The following SIPA1L1 variants were observed in gnomAD, a reference collection of about 807,000 sequenced individuals.
The protein encoded by SIPA1L1 is signal induced proliferation associated 1 like 1.
SIPA1L1 carries 26 observed loss-of-function variants against 162.7 expected under a neutral mutation model. The observed-to-expected ratio is 0.16, with a 90% confidence interval of 0.12 to 0.22. SIPA1L1 has a LOEUF of 0.22. Among genes scored for constraint, SIPA1L1 ranks in the 10% least tolerant of loss-of-function variants. The probability of loss-of-function intolerance (pLI) is 1.00; values close to 1 mark genes in which losing one functional copy is unlikely to be tolerated. For synonymous variants in SIPA1L1, 829 were observed against 837.4 expected, an observed-to-expected ratio of 0.99 and a Z score of 0.17; for missense variants, 1,874 against 2,241.0, an observed-to-expected ratio of 0.84 and a Z score of 3.31.
intron 2 of SIPA1L1, among the ~76,000 whole-genome samples, chr14:71,446,658 G>T (rs187900313): frequency 1.9e-4 from 29 of 152,086 alleles, no homozygotes; most frequent in East Asian, 1.5e-3. Context: ...GTGTTTTTTT[G>T]TGTGTGTGCA....
chr14:71,534,779 G>A (rs2053746611), intron 4 of SIPA1L1, among the ~76,000 whole-genome samples: 2 of 152,184 alleles, frequency 1.3e-5, no homozygotes, highest in African/African-American at 4.8e-5. Context: ...TCAATTTAAA[G>A]ATGGAGAAGC....
intron 2 of SIPA1L1, among the ~76,000 whole-genome samples, chr14:71,395,836 G>A (rs1486737875): frequency 6.6e-5 from 10 of 152,192 alleles, no homozygotes; most frequent in Admixed American, 6.5e-4. Context: ...GTACTTGCTA[G>A]AAACTCTATA....
chr14:71,428,844 A>C (rs1595414660), intron 2 of SIPA1L1, among the ~76,000 whole-genome samples: 1 of 152,248 alleles, frequency 6.6e-6, no homozygotes, highest in South Asian at 2.1e-4. Context: ...GTGCCCAGCT[A>C]CCTGCCCCAG....
chr14:71,420,070 T>C (rs1209247617), intron 2 of SIPA1L1, among the ~76,000 whole-genome samples: 1 of 152,162 alleles, frequency 6.6e-6, no homozygotes, highest in Non-Finnish European at 1.5e-5. Context: ...AAGGTAGATA[T>C]TCTGTGTTTG....
intron 5 of SIPA1L1, among the ~76,000 whole-genome samples, chr14:71,615,791 G>A (rs2038769109): frequency 6.6e-6 from 1 of 152,160 alleles, no homozygotes; most frequent in Non-Finnish European, 1.5e-5. Flanking sequence ...CAGATCACTT[G>A]AGGTCAGGAG....
At chr14:71,660,374 C>T (rs1233551451) in intron 9 of SIPA1L1, among the ~76,000 whole-genome samples, 2 of 151,866 alleles carry the variant, frequency 1.3e-5, no homozygotes, top group South Asian at 4.2e-4. Flanking sequence ...AGTGCATTTC[C>T]TGAACATTCT....
At chr14:71,551,426 A>G (rs777725687) in intron 4 of SIPA1L1, among the ~76,000 whole-genome samples, 6 of 152,202 alleles carry the variant, frequency 3.9e-5, no homozygotes, top group African/African-American at 4.8e-5. Context: ...TCATCTGTCC[A>G]GTTGCTCAAG....
chr14:71,645,051 C>G (rs2042041728), intron 7 of SIPA1L1, among the ~76,000 whole-genome samples: 1 of 152,200 alleles, frequency 6.6e-6, no homozygotes, highest in African/African-American at 2.4e-5. Context: ...TCCGGGGGCT[C>G]TAAGGGTGAA....
At chr14:71,628,297 G>A (rs990766142) in intron 7 of SIPA1L1, among the ~76,000 whole-genome samples, 2 of 152,180 alleles carry the variant, frequency 1.3e-5, no homozygotes, top group African/African-American at 4.8e-5. Flanking sequence ...TGTGCAAGGG[G>A]AATGAAAGAT....
Position 71,409,104 on chromosome 14 carries a change from T to C in SIPA1L1, c.-465+87923T>C, listed in dbSNP as rs536258741. On this transcript the variant is annotated intron_variant, in intron 2 of 23. Transcript: ENST00000381232. ...ACTGTCCTGAACTTCAGGTTCAACA[T>C]TCTGTTGCTTTTTAAAGTGAGTATA... 9.8e-5 allele frequency among the ~76,000 whole-genome samples: 15 copies of C among 152,320 alleles called. No homozygotes were observed. The East Asian group carries it at 2.9e-3, about 29-fold the overall frequency.
intron 14 of SIPA1L1, among the ~76,000 whole-genome samples, chr14:71,701,231 C>G (rs114517738): frequency 0.022 from 3,279 of 152,080 alleles, 113 homozygotes; most frequent in African/African-American, 0.075. Context: ...TCCTGCCTTT[C>G]TGTGCACCAC....
chr14:71,566,455 AT>A (rs1197654761), intron 4 of SIPA1L1, among the ~76,000 whole-genome samples: 1 of 152,210 alleles, frequency 6.6e-6, no homozygotes, highest in Non-Finnish European at 1.5e-5. Flanking sequence ...AGGAAGTAGA[AT>A]TAATGGGGTT....
chr14:71,480,898 C>CT (rs1235861290), intron 2 of SIPA1L1, among the ~76,000 whole-genome samples: 1 of 152,168 alleles, frequency 6.6e-6, no homozygotes, highest in Non-Finnish European at 1.5e-5. Flanking sequence ...ACAGTGGACT[C>CT]TTTTCTTGCT....
intron 2 of SIPA1L1, among the ~76,000 whole-genome samples, chr14:71,507,444 A>G (rs1214708072): frequency 6.6e-6 from 1 of 152,218 alleles, no homozygotes; most frequent in Admixed American, 6.5e-5. Flanking sequence ...TGTTAACCTT[A>G]ATCAATTGAT....
chr14:71,345,410 G>C (rs2036055821), intron 2 of SIPA1L1, among the ~76,000 whole-genome samples: 3 of 152,140 alleles, frequency 2.0e-5, no homozygotes, highest in African/African-American at 7.2e-5. Context: ...AAGCCAAGTT[G>C]ATAGACAAGT....
At chr14:71,423,647 T>C (rs2043352073) in intron 2 of SIPA1L1, among the ~76,000 whole-genome samples, 2 of 152,172 alleles carry the variant, frequency 1.3e-5, no homozygotes, top group South Asian at 4.1e-4. Flanking sequence ...TTCTGGGCTC[T>C]GTATTCTATT....
intron 2 of SIPA1L1, among the ~76,000 whole-genome samples, chr14:71,491,628 C>T (rs891748345): frequency 1.3e-5 from 2 of 152,004 alleles, no homozygotes; most frequent in Admixed American, 6.6e-5. Flanking sequence ...TCGACCTCCC[C>T]GGCTCAAGCA....
intron 4 of SIPA1L1, among the ~76,000 whole-genome samples, chr14:71,554,667 TA>T (rs757620370): frequency 5.4e-4 from 83 of 152,352 alleles, no homozygotes; most frequent in Non-Finnish European, 8.7e-4. Context: ...TGATTCTTCA[TA>T]AAATTTTTTG....
At chr14:71,337,241 G>A (rs1051940769) in intron 2 of SIPA1L1, among the ~76,000 whole-genome samples, 1 of 152,026 alleles carries the variant, frequency 6.6e-6, no homozygotes, top group African/African-American at 2.4e-5. Flanking sequence ...GTCCTATTCT[G>A]ATTTTCGAAA....
Sources: gnomAD v4.1 joint callset for allele counts (sites outside exome capture counted in the v4.1 genomes callset) on GRCh38, gnomAD v4.1.1 for gene constraint, MANE v1.5 for transcripts, NCBI Gene and HGNC (gene_info 2026-07-23, HGNC 2026-07-21) for gene names.